Variants in CCDC149 observed in about 807,000 individuals in gnomAD.
CCDC149 encodes the protein coiled-coil domain containing 149.
A neutral mutation model predicts 59.9 loss-of-function variants in CCDC149; 45 were observed. The observed-to-expected ratio is 0.75, with a 90% CI of 0.59 to 0.96. The LOEUF is 0.96. Ranked by LOEUF, CCDC149 falls within the 40% of genes least tolerant of loss-of-function variation. The pLI, the probability that CCDC149 is intolerant of heterozygous loss-of-function variation, is 0.00. For missense variants in CCDC149, 584 were observed against 664.7 expected (o/e 0.88, Z 1.33); for synonymous variants, 245 against 260.6 (o/e 0.94, Z 0.58).
intron 8 of CCDC149, among the ~76,000 whole-genome samples, chr4:24,833,216 T>A (rs1276921874): frequency 6.6e-6 from 1 of 152,194 alleles, no homozygotes; most frequent in Non-Finnish European, 1.5e-5. Context: ...CAATTTTATT[T>A]TATTTTCAAA....
intron 1 of CCDC149, among the ~76,000 whole-genome samples, chr4:24,885,557 G>C (rs972013272): frequency 1.3e-5 from 2 of 152,214 alleles, no homozygotes; most frequent in African/African-American, 4.8e-5. Context: ...GTGACGGCTG[G>C]TGCCGGAATC....
At chr4:24,976,512 A>T (rs1366253573) in intron 1 of CCDC149, among the ~76,000 whole-genome samples, 1 of 152,204 alleles carries the variant, frequency 6.6e-6, no homozygotes, top group Non-Finnish European at 1.5e-5. Flanking sequence ...CAGGAGTTTG[A>T]GACCAGCCTG....
downstream of CCDC149, among the ~76,000 whole-genome samples, chr4:24,804,831 G>C (rs191990767): frequency 2.0e-5 from 3 of 152,310 alleles, no homozygotes; most frequent in East Asian, 3.9e-4. Flanking sequence ...ATGTTTGGGA[G>C]GGAGGTCACA....
intron 9 of CCDC149, chr4:24,827,178 G>A (rs1315218616): frequency 6.6e-6 from 1 of 152,162 alleles, no homozygotes; most frequent in Non-Finnish European, 1.5e-5. Flanking sequence ...CTGCACTACC[G>A]TGCTCGCTCT....
intron 9 of CCDC149, 32 bp from the exon 10 acceptor site, chr4:24,822,605 A>T: frequency 6.8e-7 from 1 of 1,476,992 alleles, no homozygotes; most frequent in Non-Finnish European, 9.1e-7. Flanking sequence ...ACAATCAATT[A>T]CTGAGCATCC....
At chr4:24,867,880 A>G (rs991160905) in intron 3 of CCDC149, among the ~76,000 whole-genome samples, 2 of 152,350 alleles carry the variant, frequency 1.3e-5, no homozygotes, top group South Asian at 2.1e-4. Flanking sequence ...TCAAGAAACG[A>G]AAGTCACAGC....
intron 1 of CCDC149, among the ~76,000 whole-genome samples, chr4:24,952,762 C>T (rs1399581216): frequency 2.7e-5 from 4 of 150,540 alleles, no homozygotes; most frequent in African/African-American, 9.8e-5. Context: ...CAACCACCAC[C>T]ACCATCCGTC....
At chr4:24,886,165 C>G (rs1720167247) in intron 1 of CCDC149, among the ~76,000 whole-genome samples, 1 of 152,192 alleles carries the variant, frequency 6.6e-6, no homozygotes, top group South Asian at 2.1e-4. Flanking sequence ...GCAATAGTAA[C>G]TGACATTCTA....
At chr4:24,964,058 T>TGG (rs1479086918) in intron 1 of CCDC149, among the ~76,000 whole-genome samples, 2 of 151,938 alleles carry the variant, frequency 1.3e-5, no homozygotes, top group Non-Finnish European at 2.9e-5. Flanking sequence ...CAGCTAGTTG[T>TGG]GGTGGCATAT....
chr4:24,880,989 G>T (rs10015498), intron 1 of CCDC149, among the ~76,000 whole-genome samples: 63,866 of 152,002 alleles, frequency 0.42, 14,586 homozygotes, highest in Non-Finnish European at 0.52. Flanking sequence ...AAAGCACGGG[G>T]TAAGGGCTCC....
chr4:24,833,008 G>A (rs1366233052), intron 8 of CCDC149, among the ~76,000 whole-genome samples: 11 of 151,980 alleles, frequency 7.2e-5, no homozygotes, highest in South Asian at 2.1e-4. Context: ...TTCTCCCGCC[G>A]TCTTTTTCTA....
intron 4 of CCDC149, among the ~76,000 whole-genome samples, chr4:24,843,742 G>A (rs1389071958): frequency 6.6e-6 from 1 of 152,190 alleles, no homozygotes. Flanking sequence ...CAAGCGAGCA[G>A]TGTGCTAGCA....
intron 4 of CCDC149, among the ~76,000 whole-genome samples, chr4:24,846,946 G>A (rs1717326560): frequency 6.6e-6 from 1 of 152,190 alleles, no homozygotes; most frequent in African/African-American, 2.4e-5. Context: ...CTGTCCCAGT[G>A]GGAACATGAA....
intron 1 of CCDC149, among the ~76,000 whole-genome samples, chr4:24,928,533 A>G (rs1454315061): frequency 1.3e-5 from 2 of 152,162 alleles, no homozygotes; most frequent in Non-Finnish European, 2.9e-5. Flanking sequence ...CTCATTGTCA[A>G]TATATGAATC....
intron 1 of CCDC149, among the ~76,000 whole-genome samples, chr4:24,978,122 C>A (rs926798613): frequency 6.6e-6 from 1 of 152,130 alleles, no homozygotes; most frequent in African/African-American, 2.4e-5. Flanking sequence ...CAGGGCAAGA[C>A]CCTGTCTCAA....
chr4:24,850,173 CTTCT>C (rs1717566426), intron 4 of CCDC149, among the ~76,000 whole-genome samples: 1 of 152,006 alleles, frequency 6.6e-6, no homozygotes, highest in Non-Finnish European at 1.5e-5. Context: ...TCATTTTGCT[CTTCT>C]TTTTGTTCCC....
At chr4:24,974,450 G>A (rs2109370499) in intron 1 of CCDC149, among the ~76,000 whole-genome samples, 1 of 152,316 alleles carries the variant, frequency 6.6e-6, no homozygotes, top group Non-Finnish European at 1.5e-5. Context: ...CAGCCAAGAA[G>A]CCCTGATGTC....
chr4:24,864,046 C>CG (rs2109214703), intron 3 of CCDC149, among the ~76,000 whole-genome samples: 1 of 152,332 alleles, frequency 6.6e-6, no homozygotes, highest in South Asian at 2.1e-4. Flanking sequence ...TCTTTTGTCT[C>CG]GGTGCTGACT....
At chr4:24,921,871 C>T (rs35276311) in intron 1 of CCDC149, among the ~76,000 whole-genome samples, 37,496 of 152,076 alleles carry the variant, frequency 0.25, 4,975 homozygotes, top group African/African-American at 0.35. Context: ...TCTTGTGCTG[C>T]GTTACAGTGT....
Sources: allele counts gnomAD v4.1 joint callset (sites outside exome capture counted in the v4.1 genomes callset), GRCh38; gene constraint gnomAD v4.1.1; transcripts MANE v1.5; gene names NCBI Gene and HGNC (gene_info 2026-07-23, HGNC 2026-07-21).